ARHGAP22: variants seen among roughly 807,000 people sequenced by gnomAD.
ARHGAP22 encodes the protein Rho GTPase activating protein 22, also known as rho GTPase-activating protein 22.
A neutral mutation model predicts 59.1 loss-of-function variants in ARHGAP22; 48 were observed. The observed-to-expected ratio is 0.81, with a 90% confidence interval of 0.64 to 1.03. The LOEUF (loss-of-function observed/expected upper bound fraction) is 1.03. Ranked by LOEUF, ARHGAP22 falls within the 50% of genes least tolerant of loss-of-function variation. The pLI is 0.00. For synonymous variants in ARHGAP22, 445 were observed against 416.4 expected, an observed-to-expected ratio of 1.07 and a Z score of -0.84; for missense variants, 1,015 against 958.7, an observed-to-expected ratio of 1.06 and a Z score of -0.78.
Position 48,455,047 on chromosome 10 carries a change from C to G in ARHGAP22, c.747G>C (p.Glu249Asp). ...PEPVVPFARY[E>D]DFLSCAQLLT... ...GCAGCTGGGCGCAGCTGAGGAAGTC[C>G]TCGTACCTGGCGAAGGGGACCACGG... Residue 249 changes from glutamate (E) to aspartate (D), a missense_variant, in exon 6 of 10, where the codon GAG becomes GAC. Physicochemically the swap from Glu to Asp is conservative, Grantham distance 45. Coordinates refer to ENST00000249601, the MANE Select transcript of ARHGAP22 (RefSeq NM_021226.4). 1 of 1,612,130 alleles carries G rather than the reference C, an allele frequency of 6.2e-7. No individual in the cohort carries two copies.
chr10:48,612,585 A>T (rs571933620), intron 1 of ARHGAP22, among the ~76,000 whole-genome samples: 3 of 152,352 alleles, frequency 2.0e-5, no homozygotes, highest in East Asian at 3.9e-4. Context: ...CAAGAAGACT[A>T]TACTTGTGCT....
At chr10:48,436,837 A>G in the ARHGAP22 span, 1 of 152,148 alleles carries the variant, frequency 6.6e-6, no homozygotes, top group African/African-American at 2.4e-5. Flanking sequence ...CATTAATTTG[A>G]TTAGGCAAAT....
chr10:48,610,819 AC>A, intron 1 of ARHGAP22, among the ~76,000 whole-genome samples: 1 of 152,252 alleles, frequency 6.6e-6, no homozygotes, highest in East Asian at 1.9e-4. Context: ...GCTTGGAGCC[AC>A]CCAAGAAGGG....
At chr10:48,440,368 T>A in the ARHGAP22 span, among the ~76,000 whole-genome samples, 1 of 152,188 alleles carries the variant, frequency 6.6e-6, no homozygotes, top group Non-Finnish European at 1.5e-5. Flanking sequence ...ATAAGTGACA[T>A]AGAAGTGTGC....
At chr10:48,516,960 A>G (rs1353037087) in intron 3 of ARHGAP22, among the ~76,000 whole-genome samples, 1 of 152,230 alleles carries the variant, frequency 6.6e-6, no homozygotes, top group East Asian at 1.9e-4. Context: ...ACATAGATGA[A>G]CCTTGAAAAC....
intron 2 of ARHGAP22, among the ~76,000 whole-genome samples, chr10:48,572,145 C>T (rs1413907320): frequency 6.6e-6 from 1 of 151,790 alleles, no homozygotes; most frequent in Non-Finnish European, 1.5e-5. Context: ...GACTTTATGG[C>T]AATAAGATAC....
chr10:48,450,796 C>T lies in ARHGAP22; in HGVS notation c.1333G>A (p.Gly445Ser). 1 of 1,573,426 alleles carries T rather than the reference C, an allele frequency of 6.4e-7. No individual in the cohort carries two copies. The highest frequency in any genetic ancestry group is 1.8e-5 in the Admixed American group (1 of 55,534). ...ATGGGCACCTCCAGGGATGAGCCGC[C>T]CCCCTTCGGGCTTCCCGATAGGGAC... The part of the protein sequence containing the change: ...PRSLSGSPKG[G>S]GSSLEVPIIS... Residue 445 changes from glycine (G) to serine (S), a missense_variant, in exon 9 of 10, where the codon GGC (glycine) becomes AGC (serine). By Grantham distance (56) the Gly-to-Ser change is moderately conservative (BLOSUM62 0). Transcript: ENST00000249601.
intron 3 of ARHGAP22, among the ~76,000 whole-genome samples, chr10:48,545,966 G>A (rs1349177185): frequency 6.6e-6 from 1 of 152,224 alleles, no homozygotes; most frequent in Non-Finnish European, 1.5e-5. Context: ...GAGATTCAGA[G>A]AAGGGAAGAA....
At chr10:48,448,087 G>A (rs1454975921) in intron 9 of ARHGAP22, among the ~76,000 whole-genome samples, 2 of 152,212 alleles carry the variant, frequency 1.3e-5, no homozygotes, top group Admixed American at 1.3e-4. Context: ...AATGTGCCAA[G>A]ACCCTCCAGC....
chr10:48,504,003 G>A (rs1192951850), intron 3 of ARHGAP22, among the ~76,000 whole-genome samples: 1 of 152,244 alleles, frequency 6.6e-6, no homozygotes. Context: ...AAAGCCTGAG[G>A]AAAAGGTTAT....
chr10:48,637,721 G>A (rs1284117482), intron 1 of ARHGAP22, among the ~76,000 whole-genome samples: 1 of 152,078 alleles, frequency 6.6e-6, no homozygotes, highest in Non-Finnish European at 1.5e-5. Flanking sequence ...AATGGATGGT[G>A]CTGGGATCAG....
intron 2 of ARHGAP22, among the ~76,000 whole-genome samples, chr10:48,564,147 C>T (rs2057893513): frequency 6.6e-6 from 1 of 152,182 alleles, no homozygotes; most frequent in Non-Finnish European, 1.5e-5. Flanking sequence ...ATAAAATGTC[C>T]TGTAACCTTG....
Position 48,464,517 on chromosome 10 carries a change from C to T in ARHGAP22, c.452-4626G>A, listed in dbSNP as rs1358486425. ...GATGAGCAGGAAGAAGCCAGGTAGG[C>T]GGGTGGGGGTGCAGGGCACATGATG... On this transcript the variant is annotated intron_variant, in intron 4 of 9. Coordinates refer to ENST00000249601, the MANE Select transcript of ARHGAP22 (RefSeq NM_021226.4). Among the ~76,000 whole-genome samples, 5 of 152,154 alleles carry T rather than the reference C, an allele frequency of 3.3e-5. No homozygotes were observed. The East Asian group carries it at 7.7e-4, about 23-fold the overall frequency.
At chr10:48,590,537 G>T (rs1347172470) in intron 1 of ARHGAP22, among the ~76,000 whole-genome samples, 2 of 152,180 alleles carry the variant, frequency 1.3e-5, no homozygotes, top group African/African-American at 2.4e-5. Flanking sequence ...GTTCCCCATA[G>T]CCCTCCTTGT....
intron 1 of ARHGAP22, among the ~76,000 whole-genome samples, chr10:48,613,764 T>G (rs1320691494): frequency 1.3e-5 from 2 of 152,208 alleles, no homozygotes; most frequent in African/African-American, 4.8e-5. Flanking sequence ...GACGAAAGTT[T>G]ACTTAAGGAA....
At chr10:48,598,799 C>T (rs1285775392) in intron 1 of ARHGAP22, among the ~76,000 whole-genome samples, 1 of 152,188 alleles carries the variant, frequency 6.6e-6, no homozygotes, top group Non-Finnish European at 1.5e-5. Flanking sequence ...CACCGCTTGC[C>T]CCAGGTTGCC....
Position 48,532,081 on chromosome 10 carries a change from C to T in ARHGAP22, c.322+23382G>A, listed in dbSNP as rs374333642. On this transcript the variant is annotated intron_variant, in intron 3 of 9. Transcript: ENST00000249601. ...ACCTTTGATTGGCACTAGTAACTCA[C>T]GGGCATTATTTTGTTTAATTTTCAC... 9.2e-5 allele frequency among the ~76,000 whole-genome samples: 14 copies of T among 152,308 alleles called. No homozygotes were observed. In the East Asian group the frequency reaches 9.6e-4, roughly 10 times the overall value.
intron 3 of ARHGAP22, among the ~76,000 whole-genome samples, chr10:48,536,312 G>A (rs2055350171): frequency 1.3e-5 from 2 of 152,218 alleles, no homozygotes; most frequent in African/African-American, 4.8e-5. Context: ...CTGTGGAGCT[G>A]CCAGCAGGGG....
chr10:48,479,594 G>A (rs2049084432), intron 4 of ARHGAP22, 42 bp downstream of exon 4: 1 of 1,613,620 alleles, frequency 6.2e-7, no homozygotes, highest in Non-Finnish European at 8.5e-7. Context: ...TTACCTGGAG[G>A]CAAGGGTTCT....
Sources: allele counts gnomAD v4.1 joint callset (sites outside exome capture counted in the v4.1 genomes callset), GRCh38; gene constraint gnomAD v4.1.1; transcripts MANE v1.5; gene names NCBI Gene and HGNC (gene_info 2026-07-23, HGNC 2026-07-21).